The following HKDC1 variants were observed in gnomAD, a reference collection of about 807,000 sequenced individuals.
The protein encoded by HKDC1 is hexokinase HKDC1.
In HKDC1, 66 loss-of-function variants were observed where a neutral mutation model predicts 96.6. The ratio of observed to expected loss-of-function variants is 0.68; its 90% confidence interval spans 0.56 to 0.84. The LOEUF is 0.84. Among genes scored for constraint, HKDC1 ranks in the 40% least tolerant of loss-of-function variants. The pLI is 0.00. For synonymous variants in HKDC1, 466 were observed against 473.1 expected (o/e 0.98, Z 0.20); for missense variants, 1,211 against 1,208.1 (o/e 1.00, Z -0.04).
At chr10:69,231,102 A>C (rs1219202153) in intron 2 of HKDC1, among the ~76,000 whole-genome samples, 1 of 152,154 alleles carries the variant, frequency 6.6e-6, no homozygotes, top group African/African-American at 2.4e-5. Flanking sequence ...GGTGTTTGAT[A>C]GTGATTGCGA....
At chr10:69,262,896 G>C (rs781436609) in intron 16 of HKDC1, among the ~76,000 whole-genome samples, 1 of 150,954 alleles carries the variant, frequency 6.6e-6, no homozygotes, top group African/African-American at 2.4e-5. Context: ...GCAATAGACC[G>C]ACAAGTTTAC....
intron 10 of HKDC1, among the ~76,000 whole-genome samples, chr10:69,249,387 A>G (rs909921188): frequency 1.6e-4 from 25 of 152,252 alleles, no homozygotes; most frequent in Non-Finnish European, 4.4e-5. Context: ...TTCCCATTTT[A>G]TGGATGCCAT....
chr10:69,220,599 T>C, intron 1 of HKDC1, 101 bp downstream of exon 1: 6 of 774,002 alleles, frequency 7.8e-6, no homozygotes, highest in Non-Finnish European at 1.2e-5. Flanking sequence ...GAGAGCTTAT[T>C]AGAAAAGATA....
chr10:69,245,148 C>T lies in HKDC1; in HGVS notation c.876-931C>T, dbSNP rs185494175. On this transcript the variant is annotated intron_variant, in intron 7 of 17. Transcript: ENST00000354624. ...CAAACTCTTGACCTTGTGATCCACCCGCCTTGGCCTCCCAAAGTGCTGGGA... is the reference window on the plus strand; with the variant it reads ...CAAACTCTTGACCTTGTGATCCACCTGCCTTGGCCTCCCAAAGTGCTGGGA... Among the ~76,000 whole-genome samples, 41 of 152,246 alleles carry T rather than the reference C, an allele frequency of 2.7e-4. No homozygotes were observed. In the East Asian group the frequency reaches 6.4e-3, roughly 24 times the overall value.
intron 12 of HKDC1, among the ~76,000 whole-genome samples, chr10:69,254,355 CACATA>C (rs1176074036): frequency 6.6e-6 from 1 of 152,114 alleles, no homozygotes; most frequent in Admixed American, 6.5e-5. Context: ...TGGTAAAATA[CACATA>C]ACATAAATTT....
At chr10:69,248,085 G>C (rs1224408639) in intron 9 of HKDC1, among the ~76,000 whole-genome samples, 1 of 152,186 alleles carries the variant, frequency 6.6e-6, no homozygotes, top group African/African-American at 2.4e-5. Context: ...TGGCTACCGG[G>C]GTGGACTTGG....
chr10:69,231,721 A>C (rs1843264170), intron 2 of HKDC1, among the ~76,000 whole-genome samples: 1 of 152,146 alleles, frequency 6.6e-6, no homozygotes, highest in Non-Finnish European at 1.5e-5. Flanking sequence ...CATCCCTAGC[A>C]CCTAACACAT....
In HKDC1 at chr10:69,227,212, C is replaced by G; in HGVS notation, c.69C>G (p.Asp23Glu). 6.2e-7 allele frequency: 1 copy of G among 1,614,160 alleles called. No homozygotes were observed. The highest frequency in any genetic ancestry group is 8.5e-7 in the Non-Finnish European group (1 of 1,180,012). ...GTGGCCGGTGTCTGTTCCAGGTGGACAGGTTCCTGTATCACATGCGGCTCT... is the reference window on the plus strand; with the variant it reads ...GTGGCCGGTGTCTGTTCCAGGTGGAGAGGTTCCTGTATCACATGCGGCTCT... ...KLKEDQIKKVDRFLYHMRLSD... is the reference protein window; with the variant it reads ...KLKEDQIKKVERFLYHMRLSD... The change falls in exon 2 of 18, where the codon GAC (aspartate) becomes GAG (glutamate). Residue 23 changes from aspartate (D) to glutamate (E), a missense_variant. Asp to Glu is a conservative substitution (Grantham distance 45). Transcript: ENST00000354624.
In HKDC1 at chr10:69,238,557, T is replaced by C. The variant is rs1166222697; in HGVS notation, c.496-485T>C. Among the ~76,000 whole-genome samples, 7 of 84,026 alleles carry C rather than the reference T, an allele frequency of 8.3e-5. 3 individuals carry two copies. Among genetic ancestry groups the C allele is most frequent in the Non-Finnish European group, 1.6e-4 (7 of 43,814 alleles). 55.1% of individuals were successfully genotyped at this position (84,026 alleles called of 152,430 possible). A position where few individuals can be genotyped will look rare whatever the true frequency, so the allele number is the denominator to read the frequency against. ...GCGCCCGGCTAATTTTTTGTATTTT[T>C]AGTAGAGACGGGGTTTCACCTTGTT... On this transcript the variant is annotated intron_variant, in intron 4 of 17. Transcript: ENST00000354624.
At chr10:69,221,514 C>T (rs1843063648) in intron 1 of HKDC1, among the ~76,000 whole-genome samples, 1 of 152,078 alleles carries the variant, frequency 6.6e-6, no homozygotes, top group South Asian at 2.1e-4. Flanking sequence ...GTCCTCCTAG[C>T]AGGAGGACTT....
At chr10:69,251,300 T>G (rs1195101254) in intron 12 of HKDC1, among the ~76,000 whole-genome samples, 2 of 152,048 alleles carry the variant, frequency 1.3e-5, no homozygotes, top group Admixed American at 1.3e-4. Context: ...TTCACCATGT[T>G]GGCAAGGCTG....
rs553068636 is a variant in HKDC1, at chr10:69,239,840, G to A, written c.591+703G>A. On this transcript the variant is annotated intron_variant, in intron 5 of 17. Transcript: ENST00000354624. ...TGGCAGTGCCTGGCACTCCATCCTC[G>A]AATTCCTAGGCTCAAATGATCCTCC... 1.2e-4 allele frequency among the ~76,000 whole-genome samples: 17 copies of A among 146,298 alleles called. No homozygotes were observed. The South Asian group carries it at 2.4e-3, about 20-fold the overall frequency.
At chr10:69,250,709 G>T in intron 12 of HKDC1, 57 bp downstream of exon 12, 1 of 1,598,092 alleles carries the variant, frequency 6.3e-7, no homozygotes, top group South Asian at 1.1e-5. Flanking sequence ...CCTCTTCTGG[G>T]ACCATCTCCA....
Position 69,243,372 on chromosome 10 carries a change from TC to T in HKDC1, c.875+10del. On this transcript the variant is annotated splice_region_variant and intron_variant, in intron 7 of 17. Transcript: ENST00000354624. Reference sequence around the variant, plus strand: ...TCAACCCAGGAAAGCAACTGTGAGTTCCCTTCTGGTGTTATCTGGGCATCGG... The same window carrying T: ...TCAACCCAGGAAAGCAACTGTGAGTTCCTTCTGGTGTTATCTGGGCATCGG... 6.4e-7 allele frequency: 1 copy of T among 1,567,378 alleles called. No individual in the cohort carries two copies. The highest frequency in any genetic ancestry group is 8.6e-7 in the Non-Finnish European group (1 of 1,156,410).
At chr10:69,220,532 G>T in intron 1 of HKDC1, 34 bp downstream of exon 1, 1 of 1,470,826 alleles carries the variant, frequency 6.8e-7, no homozygotes, top group Admixed American at 2.2e-5. Flanking sequence ...GAGATGCCCA[G>T]CTCCTTCTTC....
chr10:69,258,835 G>C lies in HKDC1; in HGVS notation c.2092G>C (p.Gly698Arg), dbSNP rs775187652. 6 of 1,613,952 alleles carry C rather than the reference G, an allele frequency of 3.7e-6. No individual in the cohort carries two copies. The Admixed American group carries it at 6.7e-5, about 18-fold the overall frequency. ...DMRNIEMVEGGEGKMCINTEW... is the reference protein window; with the variant it reads ...DMRNIEMVEGREGKMCINTEW... ...GAGGAACATCGAGATGGTGGAGGGG[G>C]GTGAAGGGAAGATGTGCATCAATAC... Residue 698 changes from glycine to arginine, a missense_variant, in exon 15 of 18, where the codon GGT (glycine) becomes CGT (arginine). Transcript: ENST00000354624.
chr10:69,225,535 C>A (rs1470465502), intron 1 of HKDC1, among the ~76,000 whole-genome samples: 1 of 152,196 alleles, frequency 6.6e-6, no homozygotes, highest in Non-Finnish European at 1.5e-5. Flanking sequence ...TGGTCTTTCT[C>A]TGGCCCCCGA....
At chr10:69,245,414 G>A (rs928093985) in intron 7 of HKDC1, among the ~76,000 whole-genome samples, 1 of 149,226 alleles carries the variant, frequency 6.7e-6, no homozygotes, top group African/African-American at 2.5e-5. Flanking sequence ...ATTAGATCCT[G>A]TCTCTACGAA....
intron 6 of HKDC1, among the ~76,000 whole-genome samples, chr10:69,241,221 A>G (rs144695100): frequency 4.8e-4 from 73 of 152,262 alleles, no homozygotes; most frequent in Admixed American, 9.1e-4. Context: ...GTCCCTGCCA[A>G]AGGAAAGAGG....
Sources: allele counts gnomAD v4.1 joint callset (sites outside exome capture counted in the v4.1 genomes callset), GRCh38; gene constraint gnomAD v4.1.1; transcripts MANE v1.5; gene names NCBI Gene and HGNC (gene_info 2026-07-23, HGNC 2026-07-21).